PASK: variants seen among roughly 807,000 people sequenced by gnomAD.
PASK encodes the protein PAS domain containing serine/threonine kinase, also known as PAS domain-containing serine/threonine-protein kinase.
In PASK, 110 loss-of-function variants were observed where a neutral mutation model predicts 121.0. The ratio of observed to expected loss-of-function variants is 0.91; its 90% confidence interval spans 0.78 to 1.06. The LOEUF (loss-of-function observed/expected upper bound fraction) is 1.06, where lower values mean the gene tolerates loss of function less well. Among genes scored for constraint, PASK ranks in the 50% least tolerant of loss-of-function variants. The pLI is 0.00. For missense variants in PASK, 1,643 were observed against 1,702.3 expected (o/e 0.97, Z 0.61); for synonymous variants, 686 against 717.8 (o/e 0.96, Z 0.71).
chr2:241,140,883 C>T (rs2125452946), intron 2 of PASK, 130 bp from the exon 3 acceptor site: 1 of 711,090 alleles, frequency 1.4e-6, no homozygotes, highest in Admixed American at 2.0e-5. Flanking sequence ...TCAGTCTGCA[C>T]AGCTAACACA....
upstream of PASK, chr2:241,149,960 G>A (rs975720176): frequency 7.0e-7 from 1 of 1,425,500 alleles, no homozygotes; most frequent in African/African-American, 1.4e-5. Context: ...ATTTCGCATG[G>A]GTAAAATCCG....
intron 10 of PASK, among the ~76,000 whole-genome samples, chr2:241,124,700 G>A (rs1350974515): frequency 6.6e-6 from 1 of 152,176 alleles, no homozygotes; most frequent in Non-Finnish European, 1.5e-5. Context: ...CTTTGGTGGT[G>A]GGGGTTTACA....
Position 241,126,250 on chromosome 2 carries a change from T to C in PASK, c.2665A>G (p.Ile889Val). 2 of 1,613,904 alleles carry C rather than the reference T, an allele frequency of 1.2e-6. No homozygotes were observed. Among genetic ancestry groups the C allele is most frequent in the Non-Finnish European group, 1.7e-6 (2 of 1,179,992 alleles). Reference sequence around the variant, plus strand: ...CTCCCGGAGTAGGCACCCTCCTGGATCTCCCGCTGCAGGCCAGCAGCCCCG... The same window carrying C: ...CTCCCGGAGTAGGCACCCTCCTGGACCTCCCGCTGCAGGCCAGCAGCCCCG... ...MRGAAGLQRE[I>V]QEGAYSGSCY... The change falls in exon 10 of 18, where the codon ATC (isoleucine) becomes GTC (valine). Residue 889 changes from isoleucine to valine, a missense_variant. Ile to Val is a conservative substitution (Grantham distance 29). Around this residue, in one of 3 missense-constraint regions of PASK, gnomAD observed 1,176 missense variants for 1,162.2 expected, o/e 1.01. Transcript: ENST00000234040.
intron 12 of PASK, among the ~76,000 whole-genome samples, chr2:241,119,315 C>T (rs940670252): frequency 3.9e-5 from 6 of 152,268 alleles, no homozygotes; most frequent in East Asian, 3.9e-4. Context: ...GCCCTGTGCA[C>T]GCCACCCCAC....
intron 8 of PASK, 121 bp from the exon 9 acceptor site, chr2:241,133,151 A>C: frequency 3.0e-6 from 3 of 1,001,204 alleles, no homozygotes; most frequent in African/African-American, 1.6e-5. Context: ...ACCACCTCTC[A>C]CCACCCCAGG....
At chr2:241,149,651 GCGC>G, upstream of PASK, 1 of 1,541,672 alleles carries the variant, frequency 6.5e-7, no homozygotes, top group Non-Finnish European at 8.7e-7. Context: ...GGAATAATGG[GCGC>G]CTCCGCCCCC....
rs143750163 is a variant in PASK, at chr2:241,141,504, T to A, written c.197-751A>T. 1.1e-3 allele frequency among the ~76,000 whole-genome samples: 165 copies of A among 151,934 alleles called. 1 individual carries two copies. The highest frequency in any genetic ancestry group is 3.8e-3 in the African/African-American group (156 of 41,436). ...CCCCGTCATTCCTCAGGCCTCACCCTCCTCCCACACCACCCTCCTCGGGCA... is the reference window on the plus strand; with the variant it reads ...CCCCGTCATTCCTCAGGCCTCACCCACCTCCCACACCACCCTCCTCGGGCA... On this transcript the variant is annotated intron_variant, in intron 2 of 17. Transcript: ENST00000234040.
At chr2:241,131,777 C>A (rs2125438214) in intron 9 of PASK, among the ~76,000 whole-genome samples, 1 of 152,230 alleles carries the variant, frequency 6.6e-6, no homozygotes, top group South Asian at 2.1e-4. Flanking sequence ...GATTCTGGGT[C>A]AGGTATGGTG....
chr2:241,122,786 G>T lies in PASK; in HGVS notation c.3018C>A (p.Gly1006=). 6.2e-7 allele frequency: 1 copy of T among 1,614,154 alleles called. No homozygotes were observed. The highest frequency in any genetic ancestry group is 8.5e-7 in the Non-Finnish European group (1 of 1,180,012). ...SQKYSTMSPL[G]SGAFGFVWTA... ...TCCACACGAAGCCGAAGGCCCCACT[G>T]CCCAGCGGGCTCATGGTACTGTACT... Residue 1006 remains glycine, a synonymous_variant, in exon 12 of 18, where the codon GGC becomes GGA. Transcript: ENST00000234040.
Position 241,137,126 on chromosome 2 carries a change from C to G in PASK, c.1015G>C (p.Val339Leu), listed in dbSNP as rs1490604621. The G allele has an allele frequency of 6.2e-6, 10 of 1,613,870 alleles. No individual in the cohort carries two copies. The highest frequency in any genetic ancestry group is 4.5e-5 in the East Asian group (2 of 44,868). The change falls in exon 7 of 18, where the codon GTC (valine) becomes CTC (leucine). Residue 339 changes from valine (V) to leucine (L), a missense_variant. By Grantham distance (32) the Val-to-Leu change is conservative (BLOSUM62 1). Around this residue, in one of 3 missense-constraint regions of PASK, gnomAD observed 1,176 missense variants for 1,162.2 expected, o/e 1.01. Coordinates refer to ENST00000234040, the MANE Select transcript of PASK (RefSeq NM_015148.4). ...AAPVSGYRAS[V>L]WVFCTISGLI... Reference sequence around the variant, plus strand: ...CCACTGATGGTGCAGAACACCCAGACAGATGCCCGGTAGCCGCTCACAGGG... The same window carrying G: ...CCACTGATGGTGCAGAACACCCAGAGAGATGCCCGGTAGCCGCTCACAGGG...
intron 2 of PASK, among the ~76,000 whole-genome samples, 182 bp downstream of exon 2, chr2:241,142,655 A>C (rs978592779): frequency 6.6e-6 from 1 of 152,224 alleles, no homozygotes; most frequent in African/African-American, 2.4e-5. Context: ...GCAGAGTAAA[A>C]GCAGCAGGAA....
intron 16 of PASK, among the ~76,000 whole-genome samples, chr2:241,107,907 A>AG (rs58789770): frequency 0.058 from 8,905 of 152,292 alleles, 662 homozygotes; most frequent in East Asian, 0.23. Context: ...CCAAGTCAAC[A>AG]GGGCCACTTG....
chr2:241,132,295 C>A (rs906928740), intron 9 of PASK, among the ~76,000 whole-genome samples: 2 of 151,486 alleles, frequency 1.3e-5, no homozygotes, highest in Admixed American at 6.6e-5. Flanking sequence ...GAGGCCAAGG[C>A]GGGTGGATAA....
intron 1 of PASK, among the ~76,000 whole-genome samples, chr2:241,144,824 T>C (rs1216227289): frequency 3.3e-4 from 51 of 152,252 alleles, no homozygotes; most frequent in Admixed American, 2.6e-3. Flanking sequence ...ATCTGGTGGC[T>C]ACTGGCCATA....
intron 10 of PASK, among the ~76,000 whole-genome samples, chr2:241,125,824 G>C (rs985980210): frequency 6.6e-6 from 1 of 152,078 alleles, no homozygotes; most frequent in African/African-American, 2.4e-5. Context: ...CACTGAGGTG[G>C]GGGCTGGTGG....
rs746220960 is a variant in PASK at position 241,126,842 on chromosome 2, G to A, written c.2073C>T (p.Thr691=). 52 of 1,612,832 alleles carry A rather than the reference G, an allele frequency of 3.2e-5. No individual in the cohort carries two copies. The East Asian group carries it at 7.8e-4, about 24-fold the overall frequency. The stretch of plus-strand genomic sequence containing the variant: ...CCAGATCGCAGGACGACACAGGAGC[G>A]GTGACAGCCTGGCACTCTGTCGGAA... ...ELVPTECQAV[T]APVSSCDLGG... The change falls in exon 10 of 18, where the codon ACC becomes ACT. Residue 691 remains threonine, a synonymous_variant. Transcript: ENST00000234040.
chr2:241,139,827 C>G lies in PASK; in HGVS notation c.600+58G>C. 3 of 1,544,150 alleles carry G rather than the reference C, an allele frequency of 1.9e-6. No homozygotes were observed. The South Asian group carries it at 3.4e-5, about 17-fold the overall frequency. On this transcript the variant is annotated intron_variant, in intron 4 of 17. Transcript: ENST00000234040. ...TCCTGGTAGGGAACACTGAGCTGTT[C>G]CTGCCACACACTGCTGGTCTTGAGG... is the stretch of plus-strand genomic sequence containing the variant.
At chr2:241,114,598 T>TA in intron 14 of PASK, 1 of 1,051,976 alleles carries the variant, frequency 9.5e-7, no homozygotes, top group Non-Finnish European at 1.1e-6. Context: ...GACAAATACT[T>TA]ACTGAAAAGT....
chr2:241,126,912 T>G lies in PASK; in HGVS notation c.2003A>C (p.Gln668Pro). The G allele has an allele frequency of 6.2e-7, 1 of 1,614,084 alleles. No homozygotes were observed. The highest frequency in any genetic ancestry group is 1.3e-5 in the African/African-American group (1 of 75,050). ...QTCLIKEQLS[Q>P]LSLAGALDVP... is the part of the protein sequence containing the mutation. The stretch of plus-strand genomic sequence containing the variant: ...ATCCAGGGCTCCTGCAAGGCTCAAC[T>G]GGGACAGCTGCTCCTTAATCAAGCA... Residue 668 changes from glutamine (Q) to proline (P), a missense_variant, in exon 10 of 18, where the codon CAG becomes CCG. Transcript: ENST00000234040.
Sources: gnomAD v4.1 joint callset for allele counts (sites outside exome capture counted in the v4.1 genomes callset) on GRCh38, gnomAD v4.1.1 for gene constraint, gnomAD v4.1.1 regional missense constraint, MANE v1.5 for transcripts, NCBI Gene and HGNC (gene_info 2026-07-23, HGNC 2026-07-21) for gene names.